Variants in PHACTR1 observed in about 807,000 individuals in gnomAD.
The protein encoded by PHACTR1 is RPEL repeat containing 1.
Under a neutral mutation model 69.2 loss-of-function variants are expected in PHACTR1, and 16 were observed. That is an observed-to-expected ratio of 0.23 (90% CI 0.16 to 0.35). The LOEUF (loss-of-function observed/expected upper bound fraction) is 0.35. Among genes scored for constraint, PHACTR1 ranks in the 10% least tolerant of loss-of-function variants. The pLI is 1.00. For synonymous variants in PHACTR1, 312 were observed against 284.5 expected (o/e 1.10, Z -0.97); for missense variants, 510 against 734.7 (o/e 0.69, Z 3.54).
intron 6 of PHACTR1, among the ~76,000 whole-genome samples, chr6:13,172,266 G>T (rs1425166493): frequency 1.3e-5 from 2 of 152,146 alleles, no homozygotes; most frequent in African/African-American, 4.8e-5. Context: ...CCCAGAAATA[G>T]CAAGATGGTA....
At chr6:12,944,777 A>ATTTATTTTTTTTTTT (rs1554172498) in intron 4 of PHACTR1, among the ~76,000 whole-genome samples, 10 of 135,754 alleles carry the variant, frequency 7.4e-5, no homozygotes, top group African/African-American at 2.6e-4. Flanking sequence ...TTATTTATTT[A>ATTTATTTTTTTTTTT]TTTTTATTTA....
intron 5 of PHACTR1, among the ~76,000 whole-genome samples, chr6:13,157,975 G>C (rs576895249): frequency 3.2e-4 from 49 of 152,050 alleles, no homozygotes; most frequent in African/African-American, 1.1e-3. Flanking sequence ...TCTGCCTCCC[G>C]GGTTCAAGCA....
intron 4 of PHACTR1, among the ~76,000 whole-genome samples, chr6:13,002,342 A>T (rs1582908725): frequency 1.3e-5 from 2 of 152,206 alleles, no homozygotes; most frequent in African/African-American, 2.4e-5. Flanking sequence ...ACAAATATTT[A>T]TTCACAGGAA....
chr6:13,134,190 C>T (rs1055135928), intron 5 of PHACTR1, among the ~76,000 whole-genome samples: 9 of 151,326 alleles, frequency 5.9e-5, no homozygotes, highest in Non-Finnish European at 8.8e-5. Context: ...CCAGCCACCC[C>T]GTCCCGGAGG....
rs117553697 is a variant in PHACTR1 at position 13,211,643 on chromosome 6, C to T, written c.986+5507C>T. 6.8e-3 allele frequency among the ~76,000 whole-genome samples: 1,033 copies of T among 152,280 alleles called. 15 individuals are homozygous for T. Among genetic ancestry groups the T allele is most frequent in the East Asian group, 0.034 (174 of 5,186 alleles). On this transcript the variant is annotated intron_variant, in intron 8 of 14. Transcript: ENST00000332995. ...CAAAGACCTGGAGTCACCCTTGACC[C>T]CTTCCTTTCTCTGGTTCCCCACATC...
chr6:13,265,667 G>A (rs956160610), intron 10 of PHACTR1, among the ~76,000 whole-genome samples: 2 of 152,096 alleles, frequency 1.3e-5, no homozygotes, highest in African/African-American at 4.8e-5. Context: ...GTGTGAGTGC[G>A]ATCCTCTTGC....
At chr6:12,985,533 A>AT (rs1359826754) in intron 4 of PHACTR1, among the ~76,000 whole-genome samples, 4 of 112,702 alleles carry the variant, frequency 3.5e-5, no homozygotes, top group South Asian at 2.7e-4. Flanking sequence ...CAAATTAAAA[A>AT]AAAAAAAAAT....
chr6:12,918,371 T>G (rs377710571), intron 4 of PHACTR1, among the ~76,000 whole-genome samples: 14 of 152,358 alleles, frequency 9.2e-5, no homozygotes, highest in African/African-American at 3.4e-4. Context: ...GCCAATGTAA[T>G]CACACACACA....
chr6:13,038,473 G>A (rs1803667394), intron 4 of PHACTR1, among the ~76,000 whole-genome samples: 1 of 143,972 alleles, frequency 6.9e-6, no homozygotes. Context: ...ACTTTTGCAT[G>A]AGTGTTCAAG....
chr6:13,156,647 A>G lies in PHACTR1; in HGVS notation c.416-3557A>G, dbSNP rs374595554. On this transcript the variant is annotated intron_variant, in intron 5 of 14. Transcript: ENST00000332995. ...TCTGTTTGATGAAGTATCCAACTGC[A>G]TTTCCCTAGCACATGCTTGATAACG... 7.9e-4 allele frequency among the ~76,000 whole-genome samples: 121 copies of G among 152,272 alleles called. 1 individual carries two copies. Among genetic ancestry groups the G allele is most frequent in the African/African-American group, 2.8e-3 (116 of 41,540 alleles).
At chr6:13,029,030 CTTA>C (rs1205651047) in intron 4 of PHACTR1, among the ~76,000 whole-genome samples, 2 of 152,096 alleles carry the variant, frequency 1.3e-5, no homozygotes, top group Non-Finnish European at 2.9e-5. Context: ...TGCTTATTCA[CTTA>C]TTATGTGCCA....
chr6:13,132,721 C>T (rs964140038), intron 5 of PHACTR1, among the ~76,000 whole-genome samples: 4 of 119,478 alleles, frequency 3.3e-5, no homozygotes, highest in Admixed American at 1.7e-4. Context: ...TTAAAAATAC[C>T]GTATTGCTAA....
At chr6:13,213,199 A>G (rs1767147573) in intron 8 of PHACTR1, among the ~76,000 whole-genome samples, 1 of 152,230 alleles carries the variant, frequency 6.6e-6, no homozygotes, top group South Asian at 2.1e-4. Context: ...CTATTGATGG[A>G]TTGAGTTCTC....
intron 4 of PHACTR1, among the ~76,000 whole-genome samples, chr6:12,864,553 A>G (rs1291028270): frequency 3.3e-5 from 5 of 151,984 alleles, no homozygotes; most frequent in Admixed American, 3.3e-4. Context: ...GGTGGTGGGC[A>G]CCTGTAGTCC....
At chr6:12,753,971 T>TA (rs1386704431) in intron 4 of PHACTR1, among the ~76,000 whole-genome samples, 235 of 114,270 alleles carry the variant, frequency 2.1e-3, no homozygotes, top group East Asian at 6.6e-3. Context: ...TATATATATA[T>TA]TTTTTTTTTG....
intron 10 of PHACTR1, among the ~76,000 whole-genome samples, chr6:13,270,464 C>G (rs73359121): frequency 0.011 from 1,660 of 152,290 alleles, 26 homozygotes; most frequent in African/African-American, 0.036. Context: ...CAGCCCCATC[C>G]TAAGTCACCT....
rs79167500 is a variant in PHACTR1 at position 12,981,645 on chromosome 6, C to T, written c.251-71720C>T. Among the ~76,000 whole-genome samples the T allele has an allele frequency of 5.1e-3, 781 of 152,216 alleles. 5 individuals are homozygous for T. Among genetic ancestry groups the T allele is most frequent in the African/African-American group, 0.018 (732 of 41,530 alleles). ...CCCATTCAGAATTTTATCATGGGATCGCTGTCTTGACTCATATTCATTTCC... is the reference window on the plus strand; with the variant it reads ...CCCATTCAGAATTTTATCATGGGATTGCTGTCTTGACTCATATTCATTTCC... On this transcript the variant is annotated intron_variant, in intron 4 of 14. Transcript: ENST00000332995.
At chr6:13,259,150 T>C (rs1775579689) in intron 10 of PHACTR1, among the ~76,000 whole-genome samples, 2 of 152,258 alleles carry the variant, frequency 1.3e-5, no homozygotes, top group Admixed American at 6.5e-5. Context: ...CTTGTTGAAA[T>C]GACTGTCTTA....
intron 4 of PHACTR1, among the ~76,000 whole-genome samples, chr6:12,976,808 C>T (rs1484147689): frequency 6.6e-6 from 1 of 152,130 alleles, no homozygotes; most frequent in Non-Finnish European, 1.5e-5. Flanking sequence ...CCTGGTGTCA[C>T]AGTGCTTGTG....
Sources: gnomAD v4.1 joint callset for allele counts (sites outside exome capture counted in the v4.1 genomes callset) on GRCh38, gnomAD v4.1.1 for gene constraint, MANE v1.5 for transcripts, NCBI Gene and HGNC (gene_info 2026-07-23, HGNC 2026-07-21) for gene names.